The following MBD5 variants were observed in gnomAD, a reference collection of about 807,000 sequenced individuals.
The protein encoded by MBD5 is methyl-CpG-binding domain protein 5.
A neutral mutation model predicts 117.3 loss-of-function variants in MBD5; 13 were observed. The ratio of observed to expected loss-of-function variants is 0.11; its 90% confidence interval spans 0.07 to 0.18. The LOEUF is 0.18. MBD5 is among the 10% of genes least tolerant of loss of function. The pLI, the probability that MBD5 is intolerant of heterozygous loss-of-function variation, is 1.00. For missense variants in MBD5, 1,879 were observed against 2,093.8 expected, an observed-to-expected ratio of 0.90 and a Z score of 2.00; for synonymous variants, 727 against 766.4, an observed-to-expected ratio of 0.95 and a Z score of 0.85.
At chr2:148,171,174 A>T (rs1698253356) in intron 1 of MBD5, among the ~76,000 whole-genome samples, 1 of 152,234 alleles carries the variant, frequency 6.6e-6, no homozygotes, top group South Asian at 2.1e-4. Flanking sequence ...AGACAAGGAC[A>T]TTTAAAAAAA....
At chr2:148,434,386 G>T (rs1272585354) in intron 4 of MBD5, among the ~76,000 whole-genome samples, 1 of 151,942 alleles carries the variant, frequency 6.6e-6, no homozygotes, top group Non-Finnish European at 1.5e-5. Flanking sequence ...GTTCAGCTCT[G>T]ATTTTTGTTA....
At chr2:148,269,528 T>C (rs1700934523) in intron 3 of MBD5, among the ~76,000 whole-genome samples, 1 of 151,860 alleles carries the variant, frequency 6.6e-6, no homozygotes. Flanking sequence ...CTCACAACTT[T>C]TAAGACATTA....
chr2:148,272,314 A>T (rs1436253216), intron 3 of MBD5, among the ~76,000 whole-genome samples: 1 of 152,188 alleles, frequency 6.6e-6, no homozygotes, highest in Non-Finnish European at 1.5e-5. Flanking sequence ...CACTAGTGGG[A>T]TCATGTACTA....
intron 1 of MBD5, among the ~76,000 whole-genome samples, chr2:148,116,852 C>G (rs960015033): frequency 7.2e-5 from 11 of 152,270 alleles, no homozygotes; most frequent in African/African-American, 2.6e-4. Context: ...CTTTCTTGCC[C>G]TTCTGCAGCA....
intron 3 of MBD5, among the ~76,000 whole-genome samples, chr2:148,317,088 C>T (rs1278879142): frequency 6.6e-6 from 1 of 152,184 alleles, no homozygotes; most frequent in Non-Finnish European, 1.5e-5. Context: ...GTGGCTCACA[C>T]CTGTAATCCC....
chr2:148,487,263 G>C (rs1681367814), intron 10 of MBD5, among the ~76,000 whole-genome samples: 1 of 152,082 alleles, frequency 6.6e-6, no homozygotes, highest in African/African-American at 2.4e-5. Context: ...ATGTTCAAGG[G>C]ATAATAAATA....
At chr2:148,466,982 A>G (rs1297771743) in intron 7 of MBD5, among the ~76,000 whole-genome samples, 1 of 152,196 alleles carries the variant, frequency 6.6e-6, no homozygotes, top group Non-Finnish European at 1.5e-5. Flanking sequence ...TATCCAGTTA[A>G]GTAAGCATAC....
chr2:148,143,264 T>C (rs1184435528), intron 1 of MBD5, among the ~76,000 whole-genome samples: 1 of 152,188 alleles, frequency 6.6e-6, no homozygotes, highest in African/African-American at 2.4e-5. Flanking sequence ...TTTCCAAGAA[T>C]GTATTGACTA....
At chr2:148,358,207 CA>C (rs559090176) in intron 4 of MBD5, among the ~76,000 whole-genome samples, 17 of 151,054 alleles carry the variant, frequency 1.1e-4, no homozygotes, top group South Asian at 4.2e-4. Flanking sequence ...AGTTTGTAGG[CA>C]AAAAAAATGG....
chr2:148,096,316 TG>T (rs1696065775), intron 1 of MBD5, among the ~76,000 whole-genome samples: 1 of 152,124 alleles, frequency 6.6e-6, no homozygotes, highest in Non-Finnish European at 1.5e-5. Context: ...CCTGAGTGCT[TG>T]GGGTATTGCT....
At chr2:148,256,149 C>G (rs780136064) in intron 3 of MBD5, among the ~76,000 whole-genome samples, 4 of 152,252 alleles carry the variant, frequency 2.6e-5, no homozygotes, top group Non-Finnish European at 5.9e-5. Context: ...TAACATTGGA[C>G]AGCTGCCTCA....
At chr2:148,453,806 GCAAGTAGAAT>G (rs902023178) in intron 4 of MBD5, among the ~76,000 whole-genome samples, 82 of 152,052 alleles carry the variant, frequency 5.4e-4, no homozygotes, top group African/African-American at 1.9e-3. Context: ...AATCATGGAG[GCAAGTAGAAT>G]CAATTTTAAT....
chr2:148,417,537 GT>G (rs1373524841), intron 4 of MBD5, among the ~76,000 whole-genome samples: 1 of 151,962 alleles, frequency 6.6e-6, no homozygotes, highest in Non-Finnish European at 1.5e-5. Flanking sequence ...TCTCCATGCT[GT>G]TTTCCACAGA....
rs570181973 is a variant in MBD5 at position 148,359,833 on chromosome 2, T to C, written c.-557+17497T>C. Among the ~76,000 whole-genome samples the C allele has an allele frequency of 2.0e-5, 3 of 152,310 alleles. No homozygotes were observed. The East Asian group carries it at 5.8e-4, about 29-fold the overall frequency. The stretch of plus-strand genomic sequence containing the variant: ...GCTTTTCAAATAGATTAAGAAAAAT[T>C]CACTGAAAAAGTTGTTTTCATTTCT... On this transcript the variant is annotated intron_variant, in intron 4 of 13. Coordinates refer to ENST00000642680, the MANE Select transcript of MBD5 (RefSeq NM_001378120.1).
intron 1 of MBD5, among the ~76,000 whole-genome samples, chr2:148,119,128 T>G (rs1275481648): frequency 6.6e-6 from 1 of 152,162 alleles, no homozygotes; most frequent in African/African-American, 2.4e-5. Context: ...CCATTTTACA[T>G]TTCAAAAAAC....
chr2:148,141,800 AAAAT>A (rs1420413208), intron 1 of MBD5, among the ~76,000 whole-genome samples: 7 of 137,566 alleles, frequency 5.1e-5, no homozygotes, highest in Non-Finnish European at 8.3e-5. Context: ...TCAAAAAAAA[AAAAT>A]GTTTTTAATA....
intron 4 of MBD5, among the ~76,000 whole-genome samples, chr2:148,399,724 C>A (rs550616667): frequency 1.4e-4 from 21 of 152,210 alleles, no homozygotes; most frequent in South Asian, 1.0e-3. Flanking sequence ...GCATCCCTGT[C>A]TTGTGCCAGT....
intron 4 of MBD5, among the ~76,000 whole-genome samples, chr2:148,444,459 C>T (rs1706428543): frequency 6.6e-6 from 1 of 151,326 alleles, no homozygotes; most frequent in African/African-American, 2.5e-5. Context: ...TTTATTACTT[C>T]ATCACTTATC....
At chr2:148,383,932 A>T (rs984570171) in intron 4 of MBD5, among the ~76,000 whole-genome samples, 10 of 152,232 alleles carry the variant, frequency 6.6e-5, no homozygotes, top group African/African-American at 2.4e-4. Flanking sequence ...AAAAACTCTC[A>T]ATACATTAGG....
Sources: allele counts gnomAD v4.1 joint callset (sites outside exome capture counted in the v4.1 genomes callset), GRCh38; gene constraint gnomAD v4.1.1; transcripts MANE v1.5; gene names NCBI Gene and HGNC (gene_info 2026-07-23, HGNC 2026-07-21).